MRTFB: variants seen among roughly 807,000 people sequenced by gnomAD.
MRTFB encodes myocardin related transcription factor B.
A neutral mutation model predicts 104.2 loss-of-function variants in MRTFB; 29 were observed. That is an observed-to-expected ratio of 0.28 (90% CI 0.21 to 0.38). MRTFB has a LOEUF of 0.38. Ranked by LOEUF, MRTFB falls within the 10% of genes least tolerant of loss-of-function variation. The probability of loss-of-function intolerance (pLI) is 1.00; values close to 1 mark genes in which losing one functional copy is unlikely to be tolerated. For synonymous variants in MRTFB, 535 were observed against 519.5 expected (o/e 1.03, Z -0.41); for missense variants, 1,270 against 1,341.6 (o/e 0.95, Z 0.83).
chr16:14,085,246 G>A (rs113539095), intron 2 of MRTFB, among the ~76,000 whole-genome samples: 3,822 of 151,990 alleles, frequency 0.025, 177 homozygotes, highest in African/African-American at 0.086. Flanking sequence ...ACCAGAAGTC[G>A]GGAGTTTGAG....
chr16:13,996,591 C>A, the MRTFB span, among the ~76,000 whole-genome samples: 1 of 152,204 alleles, frequency 6.6e-6, no homozygotes, highest in South Asian at 2.1e-4. Context: ...AAAGAGATTG[C>A]GCCTTGCCCT....
At chr16:14,141,841 G>GT (rs548995205) in intron 3 of MRTFB, 14,347 of 138,506 alleles carry the variant, frequency 0.1, 1,279 homozygotes, top group East Asian at 0.3. Flanking sequence ...TTTGATAGGT[G>GT]TTTTTTTTTT....
chr16:14,206,672 G>T (rs1431336799), intron 3 of MRTFB, among the ~76,000 whole-genome samples: 1 of 152,148 alleles, frequency 6.6e-6, no homozygotes, highest in Non-Finnish European at 1.5e-5. Flanking sequence ...CTGCTGAGTA[G>T]CTGGGATTAC....
At chr16:14,080,605 T>A (rs2034338758) in intron 2 of MRTFB, among the ~76,000 whole-genome samples, 1 of 152,214 alleles carries the variant, frequency 6.6e-6, no homozygotes, top group South Asian at 2.1e-4. Context: ...CTTCTATATC[T>A]AACTGGAATT....
chr16:14,053,159 C>T, the MRTFB span, among the ~76,000 whole-genome samples: 1 of 152,022 alleles, frequency 6.6e-6, no homozygotes, highest in Admixed American at 6.6e-5. Context: ...CTCCTGGCCT[C>T]AAGTGATCCT....
intron 3 of MRTFB, among the ~76,000 whole-genome samples, chr16:14,148,167 AG>A (rs1260859564): frequency 2.0e-5 from 3 of 152,220 alleles, no homozygotes; most frequent in Admixed American, 1.3e-4. Context: ...ATAAATGATC[AG>A]TTAAATAAGT....
chr16:14,060,954 G>A, the MRTFB span, among the ~76,000 whole-genome samples: 1 of 152,082 alleles, frequency 6.6e-6, no homozygotes, highest in Non-Finnish European at 1.5e-5. Flanking sequence ...AGACCATCCT[G>A]GCTAACACAG....
In MRTFB at chr16:14,240,686, A is replaced by C. The variant is rs902776713; in HGVS notation, c.1079+202A>C. On this transcript the variant is annotated intron_variant, in intron 10 of 16. Transcript: ENST00000571589. The stretch of plus-strand genomic sequence containing the variant: ...ATTCCATTCCAGTTTCTGTCCTCCA[A>C]AATAGGTTCTGAATTTTTACAAGTT... 3 of 914,138 alleles carry C rather than the reference A, an allele frequency of 3.3e-6. No individual in the cohort carries two copies. The African/African-American group carries it at 4.8e-5, about 15-fold the overall frequency. The allele number at this position is 914,138 out of a possible 1,614,324, so 56.6% of individuals were successfully genotyped here.
the MRTFB span, among the ~76,000 whole-genome samples, chr16:14,007,391 A>G: frequency 1.3e-5 from 2 of 152,114 alleles, no homozygotes; most frequent in Admixed American, 6.5e-5. Context: ...AAGTTCCCCC[A>G]TGTTGCGGCA....
intron 2 of MRTFB, among the ~76,000 whole-genome samples, chr16:14,114,591 T>C (rs1157179063): frequency 6.6e-6 from 1 of 152,210 alleles, no homozygotes; most frequent in Non-Finnish European, 1.5e-5. Context: ...GAGTTTTGCC[T>C]CCCACCCTCA....
chr16:14,056,005 G>T, the MRTFB span, among the ~76,000 whole-genome samples: 1 of 151,928 alleles, frequency 6.6e-6, no homozygotes, highest in East Asian at 1.9e-4. Flanking sequence ...TTGAGACAGA[G>T]TCTCACTCTG....
intron 2 of MRTFB, among the ~76,000 whole-genome samples, chr16:14,097,399 T>C (rs2035444749): frequency 6.6e-6 from 1 of 152,194 alleles, no homozygotes; most frequent in African/African-American, 2.4e-5. Context: ...TCCCATCCAG[T>C]AGTAATTAAC....
the MRTFB span, among the ~76,000 whole-genome samples, chr16:14,001,733 C>G: frequency 1.3e-5 from 2 of 152,224 alleles, no homozygotes; most frequent in African/African-American, 2.4e-5. Context: ...GACAACAACT[C>G]TCATCCAAAG....
At chr16:14,168,899 G>A (rs2039334458) in intron 3 of MRTFB, among the ~76,000 whole-genome samples, 1 of 152,138 alleles carries the variant, frequency 6.6e-6, no homozygotes, top group African/African-American at 2.4e-5. Flanking sequence ...ATTTCTGTGG[G>A]TGTGTGTTGA....
intron 8 of MRTFB, among the ~76,000 whole-genome samples, chr16:14,228,229 AATT>A (rs1288292511): frequency 6.6e-6 from 1 of 152,192 alleles, no homozygotes; most frequent in African/African-American, 2.4e-5. Context: ...GTCCTCAAAA[AATT>A]AAACTAGAAT....
At chr16:14,236,170 GAC>G (rs2042496521) in intron 9 of MRTFB, among the ~76,000 whole-genome samples, 1 of 152,188 alleles carries the variant, frequency 6.6e-6, no homozygotes, top group South Asian at 2.1e-4. Context: ...CAGCCTGGGT[GAC>G]AGAGTGAGAC....
chr16:14,184,325 C>T (rs1280365843), intron 3 of MRTFB, among the ~76,000 whole-genome samples: 3 of 151,402 alleles, frequency 2.0e-5, no homozygotes, highest in Admixed American at 1.3e-4. Context: ...CGGGTTCAAG[C>T]GATTGTCTTG....
the MRTFB span, among the ~76,000 whole-genome samples, chr16:14,016,487 C>A: frequency 6.6e-6 from 1 of 151,976 alleles, no homozygotes; most frequent in Non-Finnish European, 1.5e-5. Flanking sequence ...AGGACTCTGA[C>A]CTAGGCTGGG....
chr16:14,189,862 T>C (rs1388036452), intron 3 of MRTFB, among the ~76,000 whole-genome samples: 3 of 152,192 alleles, frequency 2.0e-5, no homozygotes, highest in African/African-American at 7.2e-5. Flanking sequence ...TATTGGGATG[T>C]TTTAGAATCT....
Sources: gnomAD v4.1 joint callset for allele counts (sites outside exome capture counted in the v4.1 genomes callset) on GRCh38, gnomAD v4.1.1 for gene constraint, MANE v1.5 for transcripts, NCBI Gene and HGNC (gene_info 2026-07-23, HGNC 2026-07-21) for gene names.